Variants in TANC1 observed in about 807,000 individuals in gnomAD.
TANC1 encodes protein TANC1.
In TANC1, 77 loss-of-function variants were observed where a neutral mutation model predicts 149.7. The ratio of observed to expected loss-of-function variants is 0.51; its 90% CI spans 0.43 to 0.62. TANC1 has a LOEUF of 0.62. TANC1 is among the 20% of genes least tolerant of loss of function. TANC1 has a pLI of 0.00. For synonymous variants in TANC1, 854 were observed against 925.0 expected (o/e 0.92, Z 1.39); for missense variants, 1,985 against 2,321.8 (o/e 0.85, Z 2.98).
chr2:159,121,126 A>T (rs2048807806), intron 4 of TANC1, among the ~76,000 whole-genome samples: 1 of 152,210 alleles, frequency 6.6e-6, no homozygotes, highest in African/African-American at 2.4e-5. Context: ...ACTAGCTAGC[A>T]TGTCCACATG....
intron 13 of TANC1, among the ~76,000 whole-genome samples, chr2:159,177,104 T>C (rs970100286): frequency 5.3e-5 from 8 of 151,910 alleles, no homozygotes; most frequent in African/African-American, 1.9e-4. Flanking sequence ...GAGACGGATT[T>C]TCACCATGTT....
At chr2:159,213,166 GTC>G (rs2059115723) in intron 19 of TANC1, among the ~76,000 whole-genome samples, 1 of 152,154 alleles carries the variant, frequency 6.6e-6, no homozygotes, top group Non-Finnish European at 1.5e-5. Context: ...TGTGTCTGCA[GTC>G]TCTCAAAATA....
chr2:159,041,523 T>G lies in TANC1; in HGVS notation c.-15-24373T>G, dbSNP rs963737949. Among the ~76,000 whole-genome samples the G allele has an allele frequency of 2.6e-5, 4 of 152,182 alleles. No homozygotes were observed. The South Asian group carries it at 8.3e-4, about 32-fold the overall frequency. On this transcript the variant is annotated intron_variant, in intron 2 of 26. Transcript: ENST00000263635. ...CCCCTCCCCCAGCTAGGCTGCCACC[T>G]TGCAGCTCGATCTCGGACTGCTGTG...
At chr2:159,214,041 C>A (rs1404558311) in intron 19 of TANC1, among the ~76,000 whole-genome samples, 1 of 150,696 alleles carries the variant, frequency 6.6e-6, no homozygotes, top group Non-Finnish European at 1.5e-5. Context: ...CAGGAGAATC[C>A]CTGAACCTGG....
intron 14 of TANC1, among the ~76,000 whole-genome samples, chr2:159,179,553 C>G (rs1261376728): frequency 6.6e-6 from 1 of 152,076 alleles, no homozygotes; most frequent in African/African-American, 2.4e-5. Context: ...AGAGGGAGTT[C>G]CCTGTGTGTC....
intron 4 of TANC1, among the ~76,000 whole-genome samples, chr2:159,113,133 C>T (rs987533670): frequency 6.6e-6 from 1 of 151,994 alleles, no homozygotes; most frequent in Non-Finnish European, 1.5e-5. Context: ...AGGGTTTTCT[C>T]TGCCTCACCC....
intron 2 of TANC1, among the ~76,000 whole-genome samples, chr2:159,007,209 C>T (rs963890813): frequency 1.1e-4 from 14 of 131,510 alleles, no homozygotes; most frequent in East Asian, 2.5e-4. Context: ...TGCAATGGTG[C>T]GATCTTGGCT....
At position 159,096,288 on chromosome 2, in the gene TANC1, G is replaced by C. The variant is rs2046123471; in HGVS notation, c.62-1349G>C. Reference sequence around the variant, plus strand: ...GTGTTATCTGAATACATGAGGACTGGCTGTATTTTTTTTTTTTTTTTTTGG... The same window carrying C: ...GTGTTATCTGAATACATGAGGACTGCCTGTATTTTTTTTTTTTTTTTTTGG... On this transcript the variant is annotated intron_variant, in intron 3 of 26. Coordinates refer to ENST00000263635, the MANE Select transcript of TANC1 (RefSeq NM_033394.3). Among the ~76,000 whole-genome samples the C allele has an allele frequency of 2.9e-5, 4 of 136,786 alleles. No individual in the cohort carries two copies. The Admixed American group carries it at 3.1e-4, about 11-fold the overall frequency. The allele number at this position is 136,786 out of a possible 152,430, so 89.7% of individuals were successfully genotyped here.
At chr2:158,982,674 C>A (rs1301631157) in intron 1 of TANC1, among the ~76,000 whole-genome samples, 1 of 152,246 alleles carries the variant, frequency 6.6e-6, no homozygotes, top group Non-Finnish European at 1.5e-5. Context: ...GTGGCACAGT[C>A]TTGGCTCACT....
chr2:159,039,243 T>C (rs535565510), intron 2 of TANC1, among the ~76,000 whole-genome samples: 5 of 152,330 alleles, frequency 3.3e-5, no homozygotes, highest in African/African-American at 1.2e-4. Flanking sequence ...TTCTCTTCTT[T>C]ATTAGTCTTG....
At chr2:159,131,369 A>C (rs1033577512) in intron 4 of TANC1, among the ~76,000 whole-genome samples, 3 of 152,054 alleles carry the variant, frequency 2.0e-5, no homozygotes, top group African/African-American at 7.2e-5. Context: ...AGGCTTAAGA[A>C]ATTTCTGGGA....
intron 2 of TANC1, among the ~76,000 whole-genome samples, chr2:159,059,598 A>C (rs909442852): frequency 2.0e-5 from 3 of 152,040 alleles, no homozygotes; most frequent in Non-Finnish European, 2.9e-5. Flanking sequence ...CATCCCCCGC[A>C]CCCTGACACA....
rs1178659959 is a variant in TANC1 at position 159,194,351 on chromosome 2, G to T, written c.2837G>T (p.Gly946Val). 6.2e-7 allele frequency: 1 copy of T among 1,614,264 alleles called. No individual in the cohort carries two copies. Among genetic ancestry groups the T allele is most frequent in the South Asian group, 1.1e-5 (1 of 91,086 alleles). Residue 946 changes from glycine to valine, a missense_variant, in exon 17 of 27, where the codon GGC becomes GTC. Physicochemically the swap from Gly to Val is moderately radical, Grantham distance 109. Transcript: ENST00000263635. ...ATCCTGTGCGTCCAGTCTCACCTTG[G>T]CCACGAGGAAGTTGTCACTCTGCTC... ...APILCVQSHL[G>V]HEEVVTLLLE...
At chr2:159,082,687 T>C (rs2044404071) in intron 3 of TANC1, among the ~76,000 whole-genome samples, 1 of 152,146 alleles carries the variant, frequency 6.6e-6, no homozygotes, top group African/African-American at 2.4e-5. Flanking sequence ...GTATATGTGT[T>C]CACTAGGAGA....
chr2:159,146,272 T>C (rs1292092927), intron 5 of TANC1, among the ~76,000 whole-genome samples: 1 of 152,164 alleles, frequency 6.6e-6, no homozygotes, highest in African/African-American at 2.4e-5. Flanking sequence ...CTTCATTGGA[T>C]TAAGGAATTC....
At chr2:158,972,174 G>C (rs143510471) in intron 1 of TANC1, among the ~76,000 whole-genome samples, 1 of 151,974 alleles carries the variant, frequency 6.6e-6, no homozygotes, top group African/African-American at 2.4e-5. Flanking sequence ...TAGGCTTCAG[G>C]GTGTAATGTG....
At chr2:159,183,613 G>A (rs776123394) in intron 14 of TANC1, among the ~76,000 whole-genome samples, 2 of 152,124 alleles carry the variant, frequency 1.3e-5, no homozygotes, top group African/African-American at 2.4e-5. Context: ...CGCCTGTTGG[G>A]TTGAGAGGAG....
intron 8 of TANC1, among the ~76,000 whole-genome samples, chr2:159,167,021 A>G (rs2054669974): frequency 6.6e-6 from 1 of 152,230 alleles, no homozygotes; most frequent in Non-Finnish European, 1.5e-5. Context: ...GATACAATCT[A>G]GGGCATTTTT....
chr2:159,020,647 A>G (rs2038753648), intron 2 of TANC1, among the ~76,000 whole-genome samples: 1 of 152,204 alleles, frequency 6.6e-6, no homozygotes, highest in South Asian at 2.1e-4. Flanking sequence ...GTGAATTTGA[A>G]CTGAATTTAG....
Sources: gnomAD v4.1 joint callset for allele counts (sites outside exome capture counted in the v4.1 genomes callset) on GRCh38, gnomAD v4.1.1 for gene constraint, MANE v1.5 for transcripts, NCBI Gene and HGNC (gene_info 2026-07-23, HGNC 2026-07-21) for gene names.